The following CLYBL variants were observed in gnomAD, a reference collection of about 807,000 sequenced individuals.
The protein encoded by CLYBL is citramalyl-CoA lyase, mitochondrial.
A neutral mutation model predicts 38.9 loss-of-function variants in CLYBL; 31 were observed. That is an observed-to-expected ratio of 0.80 (90% CI 0.60 to 1.08). The LOEUF is 1.08. CLYBL is among the 50% of genes least tolerant of loss of function. The pLI is 0.00. For synonymous variants in CLYBL, 171 were observed against 158.6 expected (o/e 1.08, Z -0.59); for missense variants, 434 against 411.6 (o/e 1.05, Z -0.47).
chr13:99,867,132 C>T (rs1215193234), intron 6 of CLYBL, among the ~76,000 whole-genome samples: 2 of 152,190 alleles, frequency 1.3e-5, no homozygotes, highest in Non-Finnish European at 2.9e-5. Context: ...CAAACATACA[C>T]ATGGAGTTGC....
At chr13:99,809,458 G>C (rs993610722) in intron 2 of CLYBL, among the ~76,000 whole-genome samples, 2 of 152,242 alleles carry the variant, frequency 1.3e-5, no homozygotes, top group African/African-American at 4.8e-5. Flanking sequence ...AAGATTTCAA[G>C]CTTGGTAATA....
chr13:99,731,987 G>A (rs531795995), intron 1 of CLYBL, among the ~76,000 whole-genome samples: 69 of 152,148 alleles, frequency 4.5e-4, no homozygotes, highest in African/African-American at 1.6e-3. Flanking sequence ...CTGCACGAAC[G>A]GTACCAGGGG....
intron 3 of CLYBL, among the ~76,000 whole-genome samples, 160 bp downstream of exon 3, chr13:99,859,209 A>G (rs927904507): frequency 9.9e-5 from 15 of 152,236 alleles, no homozygotes; most frequent in African/African-American, 2.4e-4. Context: ...TCTTTTACAC[A>G]AGGAAAACTC....
chr13:99,791,274 A>T (rs1438873136), intron 2 of CLYBL, among the ~76,000 whole-genome samples: 1 of 152,140 alleles, frequency 6.6e-6, no homozygotes, highest in Non-Finnish European at 1.5e-5. Context: ...AATGAAACAC[A>T]CACCACCCAC....
At position 99,638,341 on chromosome 13, in the gene CLYBL, T is replaced by C. The variant is rs372156059; in HGVS notation, c.62+31584T>C. 1.6e-4 allele frequency among the ~76,000 whole-genome samples: 24 copies of C among 152,382 alleles called. No homozygotes were observed. In the South Asian group the frequency reaches 4.1e-3, roughly 26 times the overall value. ...TAATTCTCTTTGCATTTCTTTTTAC[T>C]AATTCAGATGGGCTTCTCTTTTCTT... On this transcript the variant is annotated intron_variant, in intron 1 of 8. Transcript: ENST00000339105.
At chr13:99,775,773 G>C (rs2049498963) in intron 2 of CLYBL, among the ~76,000 whole-genome samples, 1 of 151,954 alleles carries the variant, frequency 6.6e-6, no homozygotes, top group South Asian at 2.1e-4. Flanking sequence ...CCTCCCAAAG[G>C]GCTGGGATTA....
At chr13:99,866,507 C>A in intron 6 of CLYBL, 100 bp downstream of exon 6, 2 of 924,768 alleles carry the variant, frequency 2.2e-6, no homozygotes, top group Non-Finnish European at 3.2e-6. Flanking sequence ...AGATATCTCC[C>A]ATACTTACTC....
intron 2 of CLYBL, among the ~76,000 whole-genome samples, chr13:99,836,048 A>T (rs1272144074): frequency 1.3e-5 from 2 of 152,174 alleles, no homozygotes; most frequent in Non-Finnish European, 2.9e-5. Context: ...GGATGAGGCA[A>T]TTTTGAGAAA....
chr13:99,772,542 C>CA (rs2049417518), intron 1 of CLYBL, among the ~76,000 whole-genome samples: 1 of 151,692 alleles, frequency 6.6e-6, no homozygotes, highest in Admixed American at 6.6e-5. Context: ...ACAAAAAATA[C>CA]AAAAAATTAG....
chr13:99,877,204 C>A (rs2052065832), intron 7 of CLYBL, among the ~76,000 whole-genome samples: 1 of 152,222 alleles, frequency 6.6e-6, no homozygotes, highest in African/African-American at 2.4e-5. Flanking sequence ...CAGAGTCACA[C>A]TCTCAGTTAC....
chr13:99,645,126 A>T (rs746916375), intron 1 of CLYBL, among the ~76,000 whole-genome samples: 2 of 152,224 alleles, frequency 1.3e-5, no homozygotes, highest in Non-Finnish European at 2.9e-5. Context: ...ACTAAATTAC[A>T]TTCCCATTAA....
intron 8 of CLYBL, among the ~76,000 whole-genome samples, chr13:99,903,811 C>T (rs1451232658): frequency 6.6e-6 from 1 of 152,180 alleles, no homozygotes; most frequent in Non-Finnish European, 1.5e-5. Flanking sequence ...GATTTCCTTA[C>T]TTACTTTTGT....
chr13:99,735,080 G>A (rs1426817456), intron 1 of CLYBL, among the ~76,000 whole-genome samples: 1 of 152,218 alleles, frequency 6.6e-6, no homozygotes, highest in Non-Finnish European at 1.5e-5. Context: ...TTTGCTGAGT[G>A]CTGCTCTAAG....
intron 2 of CLYBL, among the ~76,000 whole-genome samples, chr13:99,798,089 T>C (rs1375955843): frequency 2.0e-5 from 3 of 152,186 alleles, no homozygotes; most frequent in African/African-American, 7.2e-5. Flanking sequence ...CTTGAAACAA[T>C]ATTTGCCAGA....
At chr13:99,679,339 T>C (rs1458257545) in intron 1 of CLYBL, among the ~76,000 whole-genome samples, 3 of 151,562 alleles carry the variant, frequency 2.0e-5, no homozygotes, top group Non-Finnish European at 4.4e-5. Flanking sequence ...TATAAGCTAA[T>C]TGTACCAAAA....
At chr13:99,839,155 A>C (rs1157532319) in intron 2 of CLYBL, among the ~76,000 whole-genome samples, 2 of 152,250 alleles carry the variant, frequency 1.3e-5, no homozygotes, top group African/African-American at 4.8e-5. Flanking sequence ...GGGGCATAGC[A>C]TCTGGAAGAG....
intron 1 of CLYBL, among the ~76,000 whole-genome samples, chr13:99,746,894 T>A (rs1773428033): frequency 6.6e-6 from 1 of 152,158 alleles, no homozygotes; most frequent in Non-Finnish European, 1.5e-5. Flanking sequence ...ATGAACAACA[T>A]CCTTTGACTC....
In CLYBL at chr13:99,733,283, AAC is replaced by A. The variant is rs1491430251; in HGVS notation, c.63-39539_63-39538del. The stretch of plus-strand genomic sequence containing the variant: ...GTAGAGAACAGAACTTAAAAAAAAA[AAC>A]AAACTGTAATTACTAGGAAATTGAC... On this transcript the variant is annotated intron_variant, in intron 1 of 8. Coordinates refer to ENST00000339105, the MANE Select transcript of CLYBL (RefSeq NM_206808.5). Among the ~76,000 whole-genome samples, 4 of 152,300 alleles carry A rather than the reference AAC, an allele frequency of 2.6e-5. No individual in the cohort carries two copies. In the East Asian group the frequency reaches 5.8e-4, roughly 22 times the overall value.
At chr13:99,724,554 G>T (rs2048441727) in intron 1 of CLYBL, among the ~76,000 whole-genome samples, 1 of 151,744 alleles carries the variant, frequency 6.6e-6, no homozygotes, top group South Asian at 2.1e-4. Context: ...AAAAAGAATG[G>T]ATCCCAAGTT....
Sources: allele counts gnomAD v4.1 joint callset (sites outside exome capture counted in the v4.1 genomes callset), GRCh38; gene constraint gnomAD v4.1.1; transcripts MANE v1.5; gene names NCBI Gene and HGNC (gene_info 2026-07-23, HGNC 2026-07-21).